Variants in ANKMY1 observed in about 807,000 individuals in gnomAD.
ANKMY1 encodes the protein ankyrin repeat and MYND domain-containing protein 1.
In ANKMY1, 98 loss-of-function variants were observed where a neutral mutation model predicts 102.0. The observed-to-expected ratio is 0.96, with a 90% CI of 0.82 to 1.14. ANKMY1 has a LOEUF of 1.14. Among genes scored for constraint, ANKMY1 ranks in the 50% most tolerant of loss-of-function variants. The probability of loss-of-function intolerance (pLI) is 0.00; values close to 1 mark genes in which losing one functional copy is unlikely to be tolerated. For missense variants in ANKMY1, 1,330 were observed against 1,347.6 expected, an observed-to-expected ratio of 0.99 and a Z score of 0.20; for synonymous variants, 582 against 559.9, an observed-to-expected ratio of 1.04 and a Z score of -0.56.
intron 13 of ANKMY1, among the ~76,000 whole-genome samples, chr2:240,502,394 C>G (rs2078343291): frequency 6.6e-6 from 1 of 152,066 alleles, no homozygotes; most frequent in South Asian, 2.1e-4. Flanking sequence ...GCAGAAGCCT[C>G]TGCCCAAACA....
chr2:240,507,733 C>T (rs774999459), intron 12 of ANKMY1, 42 bp from the exon 13 acceptor site: 13 of 1,551,306 alleles, frequency 8.4e-6, no homozygotes, highest in Non-Finnish European at 1.1e-5. Flanking sequence ...CACCATGTCA[C>T]TTCCCCTGAC....
At chr2:240,485,623 C>A (rs115641104) in intron 15 of ANKMY1, among the ~76,000 whole-genome samples, 20,256 of 151,306 alleles carry the variant, frequency 0.13, 1,476 homozygotes, top group Non-Finnish European at 0.16. Flanking sequence ...AGGTTCTCAC[C>A]TTGTCACCCA....
At chr2:240,557,814 C>T in intron 1 of ANKMY1, 67 bp downstream of exon 1, 1 of 955,152 alleles carries the variant, frequency 1.0e-6, no homozygotes, top group East Asian at 1.1e-4. Flanking sequence ...CCCCCGCACC[C>T]GCCGCCCCAC....
chr2:240,531,300 C>A (rs765465497), intron 4 of ANKMY1, among the ~76,000 whole-genome samples: 1 of 152,152 alleles, frequency 6.6e-6, no homozygotes. Context: ...AAATGCAAAA[C>A]GGCACAGTCG....
At chr2:240,507,900 C>A (rs938589303) in intron 12 of ANKMY1, 3 of 488,552 alleles carry the variant, frequency 6.1e-6, no homozygotes, top group Non-Finnish European at 1.0e-5. Context: ...GGAGGGGTCC[C>A]ATGGCTGGTC....
At chr2:240,512,697 G>A (rs2080447783) in intron 10 of ANKMY1, 105 bp downstream of exon 10, 5 of 1,387,870 alleles carry the variant, frequency 3.6e-6, no homozygotes, top group African/African-American at 1.5e-5. Context: ...CCCAAGCCAG[G>A]AGGCCCATCA....
At position 240,525,011 on chromosome 2, in the gene ANKMY1, A is replaced by G. The variant is rs563986149; in HGVS notation, c.1336-630T>C. Among the ~76,000 whole-genome samples the G allele has an allele frequency of 5.3e-5, 8 of 152,314 alleles. No homozygotes were observed. In the South Asian group the frequency reaches 1.7e-3, roughly 32 times the overall value. ...TCTTCTGTTAAAGCTTGAAAACTGTATTTGTTTTATCTGAGTTCCTTCCTC... is the reference window on the plus strand; with the variant it reads ...TCTTCTGTTAAAGCTTGAAAACTGTGTTTGTTTTATCTGAGTTCCTTCCTC... On this transcript the variant is annotated intron_variant, in intron 7 of 17. Transcript: ENST00000401804.
intron 9 of ANKMY1, among the ~76,000 whole-genome samples, chr2:240,517,073 A>C (rs2081335753): frequency 6.6e-6 from 1 of 152,238 alleles, no homozygotes; most frequent in South Asian, 2.1e-4. Context: ...AAACTATGCA[A>C]ATATTTTTAA....
intron 13 of ANKMY1, among the ~76,000 whole-genome samples, chr2:240,501,214 G>A (rs1039009165): frequency 9.2e-5 from 14 of 151,518 alleles, no homozygotes; most frequent in East Asian, 1.9e-4. Flanking sequence ...GCGTGCATGC[G>A]TGTCTGTGCA....
intron 4 of ANKMY1, among the ~76,000 whole-genome samples, chr2:240,531,039 G>A (rs1288003174): frequency 6.6e-6 from 1 of 151,742 alleles, no homozygotes. Context: ...AAAGAACTCT[G>A]TAAGTCCATA....
chr2:240,478,126 G>C (rs2074980201), downstream of ANKMY1, among the ~76,000 whole-genome samples: 3 of 152,160 alleles, frequency 2.0e-5, no homozygotes, highest in Non-Finnish European at 1.5e-5. Context: ...TCCCGCTCCA[G>C]CCATGCGAAG....
chr2:240,553,222 G>A (rs1484535188), intron 3 of ANKMY1, 165 bp from the exon 4 acceptor site: 4 of 773,278 alleles, frequency 5.2e-6, no homozygotes, highest in Non-Finnish European at 8.1e-6. Flanking sequence ...GGCAACTGAA[G>A]CACCCAGAGG....
chr2:240,522,575 G>C (rs1044127544), intron 8 of ANKMY1: 9 of 152,212 alleles, frequency 5.9e-5, no homozygotes, highest in African/African-American at 2.2e-4. Context: ...TGGTGAGCTA[G>C]CTACCTGGCG....
chr2:240,554,528 G>A (rs955634483), intron 3 of ANKMY1: 6 of 218,746 alleles, frequency 2.7e-5, no homozygotes, highest in Admixed American at 2.6e-4. Context: ...AACATTCGCT[G>A]CCTTCTGCTT....
At chr2:240,543,754 T>A (rs1575303869) in intron 4 of ANKMY1, among the ~76,000 whole-genome samples, 1 of 152,174 alleles carries the variant, frequency 6.6e-6, no homozygotes, top group Non-Finnish European at 1.5e-5. Flanking sequence ...ATAAGTGCTA[T>A]AGGGGAACTT....
At chr2:240,521,734 G>C (rs1175969053) in intron 8 of ANKMY1, among the ~76,000 whole-genome samples, 1 of 152,006 alleles carries the variant, frequency 6.6e-6, no homozygotes, top group African/African-American at 2.4e-5. Context: ...TCCTGACCTC[G>C]TGATCCACCT....
chr2:240,526,879 T>C (rs2083564088), intron 5 of ANKMY1: 1 of 1,147,294 alleles, frequency 8.7e-7, no homozygotes, highest in Admixed American at 4.5e-5. Context: ...CAACATGCAT[T>C]ATCTCATGGC....
chr2:240,517,424 G>A (rs2081378188), intron 9 of ANKMY1, among the ~76,000 whole-genome samples: 1 of 152,182 alleles, frequency 6.6e-6, no homozygotes, highest in Non-Finnish European at 1.5e-5. Context: ...GGTACAGATG[G>A]ATCCTTGGCT....
Position 240,529,024 on chromosome 2 carries a change from G to A in ANKMY1, c.953+13C>T. On this transcript the variant is annotated intron_variant, in intron 5 of 17. Transcript: ENST00000401804. The surrounding 1 kb of genome is among the most constrained non-coding windows in gnomAD (Gnocchi z 4.2). Reference sequence around the variant, plus strand: ...GCACGGCCCTAGGGGAGGAGCAGTAGCAGACTAGTCACCTGAACTTGTAAG... The same window carrying A: ...GCACGGCCCTAGGGGAGGAGCAGTAACAGACTAGTCACCTGAACTTGTAAG... 6.2e-7 allele frequency: 1 copy of A among 1,612,192 alleles called. No homozygotes were observed. Among genetic ancestry groups the A allele is most frequent in the South Asian group, 1.1e-5 (1 of 90,982 alleles).
Sources: allele counts gnomAD v4.1 joint callset (sites outside exome capture counted in the v4.1 genomes callset), GRCh38; gene constraint gnomAD v4.1.1; non-coding constraint Gnocchi (gnomAD v3.1); transcripts MANE v1.5; gene names NCBI Gene and HGNC (gene_info 2026-07-23, HGNC 2026-07-21).